Variants in PHAF1 observed in about 807,000 individuals in gnomAD.
PHAF1 encodes phagosome assembly factor 1.
Under a neutral mutation model 63.1 loss-of-function variants are expected in PHAF1, and 23 were observed. The observed-to-expected ratio is 0.36, with a 90% CI of 0.26 to 0.52. The LOEUF (loss-of-function observed/expected upper bound fraction) is 0.52, where lower values mean the gene tolerates loss of function less well. PHAF1 is among the 20% of genes least tolerant of loss of function. The pLI is 0.93. For synonymous variants in PHAF1, 167 were observed against 185.0 expected (o/e 0.90, Z 0.79); for missense variants, 427 against 517.2 (o/e 0.83, Z 1.69).
At chr16:67,121,011 A>G (rs1399104005) in intron 2 of PHAF1, among the ~76,000 whole-genome samples, 4 of 152,116 alleles carry the variant, frequency 2.6e-5, no homozygotes, top group Non-Finnish European at 5.9e-5. Flanking sequence ...ACATTCTGCC[A>G]TGTTGTACCC....
At chr16:67,137,971 T>C (rs1056505380) in intron 8 of PHAF1, among the ~76,000 whole-genome samples, 1 of 152,244 alleles carries the variant, frequency 6.6e-6, no homozygotes, top group Non-Finnish European at 1.5e-5. Flanking sequence ...TTATGGAATA[T>C]GGCTGCAGTG....
rs1006150752 is a variant in PHAF1 at position 67,136,971 on chromosome 16, G to A, written c.661+2504G>A. Among the ~76,000 whole-genome samples, 4 of 152,062 alleles carry A rather than the reference G, an allele frequency of 2.6e-5. No homozygotes were observed. The South Asian group carries it at 6.2e-4, about 24-fold the overall frequency. On this transcript the variant is annotated intron_variant, in intron 8 of 15. Coordinates refer to ENST00000219139, the MANE Select transcript of PHAF1 (RefSeq NM_025187.5). ...GGAGATTGAGACCATCCTGACTAAC[G>A]GTGAAACCCCATCTCTACTAAAAAA...
intron 4 of PHAF1, among the ~76,000 whole-genome samples, chr16:67,131,680 G>A (rs1567647091): frequency 6.6e-6 from 1 of 152,296 alleles, no homozygotes; most frequent in South Asian, 2.1e-4. Flanking sequence ...TAACAGAGGT[G>A]GGACAAACCA....
intron 6 of PHAF1, among the ~76,000 whole-genome samples, chr16:67,133,340 T>C (rs1366201119): frequency 6.6e-6 from 1 of 152,048 alleles, no homozygotes; most frequent in Non-Finnish European, 1.5e-5. Flanking sequence ...AGGAAGCATT[T>C]CTGCATTTTC....
At chr16:67,111,243 G>T (rs1016333051) in intron 1 of PHAF1, among the ~76,000 whole-genome samples, 3 of 152,224 alleles carry the variant, frequency 2.0e-5, no homozygotes, top group Admixed American at 6.5e-5. Context: ...TCTAAAAAAT[G>T]CAGTTTGGTC....
intron 8 of PHAF1, 33 bp downstream of exon 8, chr16:67,134,500 G>A (rs369353129): frequency 6.6e-6 from 10 of 1,514,292 alleles, no homozygotes; most frequent in African/African-American, 1.4e-5. Flanking sequence ...GGTACATTCC[G>A]CATTATACCC....
At chr16:67,134,098 C>T in intron 6 of PHAF1, 70 bp from the exon 7 acceptor site, 1 of 1,312,432 alleles carries the variant, frequency 7.6e-7, no homozygotes. Flanking sequence ...CCATGAGTGA[C>T]AGGGAAGACC....
At chr16:67,119,478 T>TA (rs1240218691) in intron 1 of PHAF1, among the ~76,000 whole-genome samples, 2 of 151,146 alleles carry the variant, frequency 1.3e-5, no homozygotes, top group Admixed American at 6.6e-5. Flanking sequence ...TTAATGAGCT[T>TA]AAAAAAAATA....
rs538397220 is a variant in PHAF1 at position 67,121,440 on chromosome 16, G to T, written c.147+1246G>T. 8.8e-5 allele frequency among the ~76,000 whole-genome samples: 13 copies of T among 147,444 alleles called. No individual in the cohort carries two copies. The East Asian group carries it at 2.2e-3, about 25-fold the overall frequency. ...GATGGTCTCGATCTCCTGACCTCGT[G>T]ATCTGCCCGCCTCGACCTCCCAGAG... On this transcript the variant is annotated intron_variant, in intron 2 of 15. Transcript: ENST00000219139.
chr16:67,117,915 A>G (rs577368813), intron 1 of PHAF1, among the ~76,000 whole-genome samples: 51 of 148,970 alleles, frequency 3.4e-4, no homozygotes, highest in African/African-American at 1.2e-3. Context: ...CAGCCTCCTG[A>G]GTAGCTGGGA....
chr16:67,111,821 G>A (rs1017834750), intron 1 of PHAF1, among the ~76,000 whole-genome samples: 6 of 151,952 alleles, frequency 3.9e-5, no homozygotes, highest in South Asian at 2.1e-4. Flanking sequence ...ATTGGGTTTC[G>A]CCATGTTGGC....
intron 1 of PHAF1, among the ~76,000 whole-genome samples, chr16:67,114,848 G>T (rs897460501): frequency 2.6e-5 from 4 of 152,212 alleles, no homozygotes; most frequent in Admixed American, 2.0e-4. Flanking sequence ...GGAATCTAGA[G>T]GTTTCTGACT....
chr16:67,117,108 C>G (rs1318131040), intron 1 of PHAF1, among the ~76,000 whole-genome samples: 1 of 151,740 alleles, frequency 6.6e-6, no homozygotes, highest in African/African-American at 2.4e-5. Context: ...TCTCAGCTCA[C>G]TGCAACTTCT....
chr16:67,134,147 A>C, intron 6 of PHAF1, 21 bp from the exon 7 acceptor site: 1 of 1,596,380 alleles, frequency 6.3e-7, no homozygotes, highest in Non-Finnish European at 8.6e-7. Flanking sequence ...CCTAAGTAAA[A>C]CTCTTGACCT....
chr16:67,139,672 C>T (rs758003116), intron 8 of PHAF1: 57 of 275,790 alleles, frequency 2.1e-4, no homozygotes, highest in Admixed American at 7.8e-4. Flanking sequence ...TTTTTGTTCA[C>T]TTTTGTTTCT....
chr16:67,131,347 C>T lies in PHAF1; in HGVS notation c.275+18C>T. Reference sequence around the variant, plus strand: ...AAATATTGGTAAGTTTTCTCCCCTGCTGGTATATGTCACACTTGGTATAGA... The same window carrying T: ...AAATATTGGTAAGTTTTCTCCCCTGTTGGTATATGTCACACTTGGTATAGA... On this transcript the variant is annotated intron_variant, in intron 4 of 15. Transcript: ENST00000219139. 6.4e-7 allele frequency: 1 copy of T among 1,554,476 alleles called. No individual in the cohort carries two copies. Among genetic ancestry groups the T allele is most frequent in the Non-Finnish European group, 8.8e-7 (1 of 1,136,594 alleles).
chr16:67,136,360 T>A (rs940743807), intron 8 of PHAF1: 1 of 151,568 alleles, frequency 6.6e-6, no homozygotes, highest in Non-Finnish European at 1.5e-5. Flanking sequence ...CCAGGATCCA[T>A]GCCTCATTTT....
chr16:67,134,840 A>G (rs1216786901), intron 8 of PHAF1: 1 of 402,818 alleles, frequency 2.5e-6, no homozygotes, highest in Admixed American at 3.2e-5. Context: ...CTGACCTTCT[A>G]ATACCATCAC....
chr16:67,117,281 C>T (rs1962776928), intron 1 of PHAF1, among the ~76,000 whole-genome samples: 1 of 146,246 alleles, frequency 6.8e-6, no homozygotes. Flanking sequence ...AAACTCCTGA[C>T]CTCGTGATCC....
Sources: gnomAD v4.1 joint callset for allele counts (sites outside exome capture counted in the v4.1 genomes callset) on GRCh38, gnomAD v4.1.1 for gene constraint, MANE v1.5 for transcripts, NCBI Gene and HGNC (gene_info 2026-07-23, HGNC 2026-07-21) for gene names.